The following TMEM135 variants were observed in gnomAD, a reference collection of about 807,000 sequenced individuals.
TMEM135 encodes peroxisomal membrane protein 52.
Under a neutral mutation model 60.3 loss-of-function variants are expected in TMEM135, and 30 were observed. That is an observed-to-expected ratio of 0.50 (90% confidence interval 0.37 to 0.68). The LOEUF is 0.68. Ranked by LOEUF, TMEM135 falls within the 30% of genes least tolerant of loss-of-function variation. The pLI, the probability that TMEM135 is intolerant of heterozygous loss-of-function variation, is 0.00. For synonymous variants in TMEM135, 190 were observed against 186.7 expected (o/e 1.02, Z -0.14); for missense variants, 468 against 548.8 (o/e 0.85, Z 1.47).
intron 1 of TMEM135, among the ~76,000 whole-genome samples, chr11:87,062,441 G>A (rs771992157): frequency 5.4e-5 from 2 of 37,332 alleles, no homozygotes; most frequent in Non-Finnish European, 1.0e-4. Flanking sequence ...CCGCATAGAT[G>A]TCCAATTCTT....
At chr11:87,072,869 T>C (rs1856797166) in intron 3 of TMEM135, among the ~76,000 whole-genome samples, 1 of 152,222 alleles carries the variant, frequency 6.6e-6, no homozygotes, top group African/African-American at 2.4e-5. Context: ...ATAATTGTTT[T>C]TATTGCTGAG....
chr11:87,247,751 C>T lies in TMEM135; in HGVS notation c.509+11067C>T, dbSNP rs528722020. Among the ~76,000 whole-genome samples, 22 of 152,184 alleles carry T rather than the reference C, an allele frequency of 1.4e-4. No homozygotes were observed. In the South Asian group the frequency reaches 1.7e-3, roughly 12 times the overall value. On this transcript the variant is annotated intron_variant, in intron 6 of 14. Transcript: ENST00000305494. Reference sequence around the variant, plus strand: ...GGGAGTGACCCGATTTTCCAGGTGCCGTCTGTCACCCCTTTCTTTGACTAG... The same window carrying T: ...GGGAGTGACCCGATTTTCCAGGTGCTGTCTGTCACCCCTTTCTTTGACTAG...
intron 4 of TMEM135, among the ~76,000 whole-genome samples, chr11:87,134,166 G>GC (rs1054183991): frequency 6.6e-6 from 1 of 152,056 alleles, no homozygotes; most frequent in Non-Finnish European, 1.5e-5. Flanking sequence ...GGCAAGGTTG[G>GC]TTTTTTCTGA....
At chr11:87,283,418 A>G (rs866505068) in intron 6 of TMEM135, among the ~76,000 whole-genome samples, 18 of 152,320 alleles carry the variant, frequency 1.2e-4, no homozygotes, top group Non-Finnish European at 1.6e-4. Flanking sequence ...TAGGAGATGC[A>G]TATTTTATTT....
At chr11:87,043,452 G>A (rs1590974181) in intron 1 of TMEM135, among the ~76,000 whole-genome samples, 1 of 151,992 alleles carries the variant, frequency 6.6e-6, no homozygotes, top group Admixed American at 6.5e-5. Flanking sequence ...TTGGCTGGGT[G>A]CGGTGTCTGA....
At chr11:87,139,990 A>G (rs999846617) in intron 4 of TMEM135, among the ~76,000 whole-genome samples, 1 of 152,008 alleles carries the variant, frequency 6.6e-6, no homozygotes, top group Non-Finnish European at 1.5e-5. Flanking sequence ...AGTTATTTAT[A>G]TATTTTGAAT....
intron 6 of TMEM135, among the ~76,000 whole-genome samples, chr11:87,285,097 A>C (rs1274313481): frequency 2.0e-5 from 3 of 152,238 alleles, no homozygotes; most frequent in Non-Finnish European, 4.4e-5. Context: ...GTCTGAAAGT[A>C]ATTTCATGTT....
chr11:87,174,682 G>A (rs142784040), intron 5 of TMEM135, among the ~76,000 whole-genome samples: 55 of 152,238 alleles, frequency 3.6e-4, no homozygotes, highest in African/African-American at 1.3e-3. Flanking sequence ...AAGTCCTCAC[G>A]TCATGTCATC....
chr11:87,091,973 A>G (rs1157204197), intron 4 of TMEM135, among the ~76,000 whole-genome samples: 1 of 152,164 alleles, frequency 6.6e-6, no homozygotes, highest in African/African-American at 2.4e-5. Flanking sequence ...AATATTTTAA[A>G]AACATTTACA....
intron 5 of TMEM135, among the ~76,000 whole-genome samples, chr11:87,189,502 C>T (rs1052781802): frequency 2.6e-5 from 4 of 152,152 alleles, no homozygotes; most frequent in South Asian, 4.1e-4. Flanking sequence ...TAAATTTGTA[C>T]GGTGATGAGG....
At chr11:87,245,011 C>G (rs1047328681) in intron 6 of TMEM135, among the ~76,000 whole-genome samples, 1 of 150,890 alleles carries the variant, frequency 6.6e-6, no homozygotes, top group African/African-American at 2.4e-5. Context: ...TCCCTCTGCG[C>G]AGTGCTTTGA....
intron 1 of TMEM135, among the ~76,000 whole-genome samples, chr11:87,039,733 T>C (rs11234926): frequency 0.16 from 23,690 of 152,252 alleles, 1,908 homozygotes; most frequent in Non-Finnish European, 0.17. Flanking sequence ...TTGTTCCTGC[T>C]GTGAGAGGAT....
At chr11:87,084,253 T>C (rs1236496139) in intron 3 of TMEM135, among the ~76,000 whole-genome samples, 2 of 152,226 alleles carry the variant, frequency 1.3e-5, no homozygotes, top group African/African-American at 4.8e-5. Context: ...ATTTATGTTA[T>C]TTAATGTTTT....
intron 6 of TMEM135, among the ~76,000 whole-genome samples, chr11:87,250,015 A>G (rs1309559160): frequency 6.6e-6 from 1 of 151,996 alleles, no homozygotes. Flanking sequence ...GGAATTCTTC[A>G]TGGTTCAATT....
chr11:87,314,659 A>G (rs914752085), intron 12 of TMEM135, 112 bp downstream of exon 12: 35 of 866,164 alleles, frequency 4.0e-5, no homozygotes, highest in Non-Finnish European at 5.8e-5. Context: ...TTAATCCTCT[A>G]AAAGTATTTG....
At chr11:87,040,355 A>G (rs1447139321) in intron 1 of TMEM135, among the ~76,000 whole-genome samples, 1 of 152,130 alleles carries the variant, frequency 6.6e-6, no homozygotes, top group Admixed American at 6.6e-5. Context: ...GTGGAAAGAA[A>G]TTGGACTTTA....
chr11:87,046,601 A>G (rs776831055), intron 1 of TMEM135, among the ~76,000 whole-genome samples: 14 of 152,222 alleles, frequency 9.2e-5, no homozygotes, highest in Non-Finnish European at 1.6e-4. Flanking sequence ...TAAGTGGAGA[A>G]TGACCATGAG....
intron 5 of TMEM135, among the ~76,000 whole-genome samples, chr11:87,224,759 G>GT (rs11307183): frequency 1.0e-4 from 13 of 125,686 alleles, no homozygotes; most frequent in African/African-American, 1.7e-4. Context: ...TGACATGTGA[G>GT]TTTTTTTTTT....
At chr11:87,238,891 A>G (rs1251116028) in intron 6 of TMEM135, among the ~76,000 whole-genome samples, 1 of 152,088 alleles carries the variant, frequency 6.6e-6, no homozygotes, top group Non-Finnish European at 1.5e-5. Context: ...TCCTAACAGA[A>G]CAGGTATTTA....
Sources: gnomAD v4.1 joint callset for allele counts (sites outside exome capture counted in the v4.1 genomes callset) on GRCh38, gnomAD v4.1.1 for gene constraint, MANE v1.5 for transcripts, NCBI Gene and HGNC (gene_info 2026-07-23, HGNC 2026-07-21) for gene names.